The following TMEM178B variants were observed in gnomAD, a reference collection of about 807,000 sequenced individuals.
TMEM178B encodes the protein transmembrane protein 178B.
A neutral mutation model predicts 31.0 loss-of-function variants in TMEM178B; 5 were observed. The observed-to-expected ratio is 0.16, with a 90% CI of 0.08 to 0.34. TMEM178B has a LOEUF of 0.34. TMEM178B is among the 10% of genes least tolerant of loss of function. TMEM178B has a pLI of 1.00. For synonymous variants in TMEM178B, 164 were observed against 164.0 expected, an observed-to-expected ratio of 1.00 and a Z score of 0.00; for missense variants, 275 against 400.3, an observed-to-expected ratio of 0.69 and a Z score of 2.67.
intron 2 of TMEM178B, among the ~76,000 whole-genome samples, chr7:141,399,452 T>G (rs1265610741): frequency 1.3e-5 from 2 of 152,236 alleles, no homozygotes; most frequent in Non-Finnish European, 2.9e-5. Context: ...TCAGGTCTCC[T>G]GATTCCCAGT....
At chr7:141,123,533 C>T (rs1363283536) in intron 1 of TMEM178B, among the ~76,000 whole-genome samples, 1 of 152,208 alleles carries the variant, frequency 6.6e-6, no homozygotes, top group African/African-American at 2.4e-5. Flanking sequence ...CTGCCTCAGA[C>T]CCAGGGACAT....
At chr7:141,146,983 G>C (rs796321241) in intron 1 of TMEM178B, among the ~76,000 whole-genome samples, 2 of 152,282 alleles carry the variant, frequency 1.3e-5, no homozygotes, top group African/African-American at 4.8e-5. Context: ...ATAAGAGAAT[G>C]ACTATTACAT....
intron 3 of TMEM178B, among the ~76,000 whole-genome samples, chr7:141,454,607 C>T (rs1440344674): frequency 6.7e-6 from 1 of 149,300 alleles, no homozygotes; most frequent in African/African-American, 2.5e-5. Flanking sequence ...CCTCTCCTTC[C>T]TCTCCTTCCT....
rs1220224049 is a variant in TMEM178B at position 141,471,415 on chromosome 7, T to C, written c.*629T>C. The stretch of plus-strand genomic sequence containing the variant: ...AACATGCTGAGAGGCAAGATCTGCA[T>C]CAATGAAAGGACGCTTCGGTGGATG... On this transcript the variant is annotated 3_prime_UTR_variant, in exon 4 of 4. Transcript: ENST00000565468. This position sits in a 1 kb window ranked among gnomAD's most constrained non-coding sequence, Gnocchi z 4.1. 1 of 152,150 alleles carries C rather than the reference T, an allele frequency of 6.6e-6. No homozygotes were observed. Among genetic ancestry groups the C allele is most frequent in the Non-Finnish European group, 1.5e-5 (1 of 68,054 alleles). 9.4% of individuals were successfully genotyped at this position (152,150 alleles called of 1,614,324 possible). A position where few individuals can be genotyped will look rare whatever the true frequency, so the allele number is the denominator to read the frequency against.
intron 2 of TMEM178B, among the ~76,000 whole-genome samples, chr7:141,262,474 A>ATATATATATATATATAT (rs1798028077): frequency 7.6e-6 from 1 of 131,866 alleles, no homozygotes; most frequent in African/African-American, 3.0e-5. Flanking sequence ...AAATACATAT[A>ATATATATATATATATAT]ATATATATAT....
intron 1 of TMEM178B, among the ~76,000 whole-genome samples, chr7:141,090,859 C>A (rs1794869618): frequency 1.3e-5 from 2 of 152,208 alleles, no homozygotes; most frequent in Admixed American, 1.3e-4. Context: ...GAAGCAGATT[C>A]TCTTTGGAAA....
At chr7:141,120,283 G>GAAC (rs1795388568) in intron 1 of TMEM178B, among the ~76,000 whole-genome samples, 2 of 152,158 alleles carry the variant, frequency 1.3e-5, no homozygotes, top group African/African-American at 4.8e-5. Context: ...AGGTTGTTGT[G>GAAC]AGAAAATATA....
intron 2 of TMEM178B, among the ~76,000 whole-genome samples, chr7:141,277,606 T>C (rs217001): frequency 0.11 from 16,590 of 152,210 alleles, 961 homozygotes; most frequent in South Asian, 0.15. Flanking sequence ...AAGTATAGTA[T>C]AGTAAATACT....
chr7:141,207,008 G>T (rs1796977966), intron 1 of TMEM178B, among the ~76,000 whole-genome samples: 2 of 152,174 alleles, frequency 1.3e-5, no homozygotes, highest in African/African-American at 4.8e-5. Flanking sequence ...CTAGTTTAGA[G>T]AATTCATATA....
intron 1 of TMEM178B, among the ~76,000 whole-genome samples, chr7:141,094,907 T>C (rs1794933224): frequency 6.6e-6 from 1 of 152,232 alleles, no homozygotes. Context: ...CCTATAGTGA[T>C]GCAGAATCAA....
intron 2 of TMEM178B, among the ~76,000 whole-genome samples, chr7:141,224,685 G>A (rs1236680844): frequency 6.6e-6 from 1 of 152,168 alleles, no homozygotes; most frequent in Non-Finnish European, 1.5e-5. Context: ...TGAGTTCCCT[G>A]GGAAGTGGAC....
intron 2 of TMEM178B, among the ~76,000 whole-genome samples, chr7:141,363,645 C>T (rs1261772287): frequency 1.3e-5 from 2 of 152,172 alleles, no homozygotes; most frequent in Non-Finnish European, 2.9e-5. Flanking sequence ...TTCTGTCCTT[C>T]GTTTATCTTC....
intron 1 of TMEM178B, among the ~76,000 whole-genome samples, chr7:141,075,390 G>GA (rs906092854): frequency 6.6e-6 from 1 of 151,586 alleles, no homozygotes; most frequent in African/African-American, 2.4e-5. Flanking sequence ...GCATGTCAGA[G>GA]AAAAAAAATA....
intron 3 of TMEM178B, among the ~76,000 whole-genome samples, chr7:141,444,800 C>T (rs1260766941): frequency 6.6e-6 from 1 of 151,976 alleles, no homozygotes; most frequent in Non-Finnish European, 1.5e-5. Context: ...TTTTGGCACC[C>T]CGTGTTGAAG....
intron 1 of TMEM178B, among the ~76,000 whole-genome samples, chr7:141,163,536 G>T (rs1178161005): frequency 6.8e-6 from 1 of 147,490 alleles, no homozygotes; most frequent in Non-Finnish European, 1.5e-5. Context: ...TTTTTGAGAC[G>T]GTGTCTTGTT....
Position 141,074,727 on chromosome 7 carries a change from A to G in TMEM178B, c.382+35A>G. ...GGGCGCAAGGCGTGGCGCTGCGGAG[A>G]GCCCGGCGCCTTTAGGCCCCGCAGC... On this transcript the variant is annotated intron_variant, in intron 1 of 3. Transcript: ENST00000565468. The surrounding 1 kb of genome is among the most constrained non-coding windows in gnomAD (Gnocchi z 5.1). 2.1e-6 allele frequency: 3 copies of G among 1,445,030 alleles called. No homozygotes were observed. The highest frequency in any genetic ancestry group is 2.7e-6 in the Non-Finnish European group (3 of 1,104,820). The allele number at this position is 1,445,030 out of a possible 1,614,324, so 89.5% of individuals were successfully genotyped here. A position where few individuals can be genotyped will look rare whatever the true frequency, so the allele number is the denominator to read the frequency against.
chr7:141,177,533 T>A (rs1306757831), intron 1 of TMEM178B, among the ~76,000 whole-genome samples: 2 of 152,200 alleles, frequency 1.3e-5, no homozygotes, highest in African/African-American at 2.4e-5. Flanking sequence ...TGTCTAATAT[T>A]GACAGTGGGG....
Position 141,288,483 on chromosome 7 carries a change from GA to G in TMEM178B, c.496+75791del, listed in dbSNP as rs534250227. On this transcript the variant is annotated intron_variant, in intron 2 of 3. Transcript: ENST00000565468. ...AGAGCATCCCTGTCCGGAAAAAAAT[GA>G]AAAAAAAAAAAGATTTAAAATAAGA... is the stretch of plus-strand genomic sequence containing the variant. 3.1e-3 allele frequency among the ~76,000 whole-genome samples: 370 copies of G among 117,504 alleles called. 1 individual carries two copies. Among genetic ancestry groups the G allele is most frequent in the African/African-American group, 7.1e-3 (233 of 32,798 alleles). The allele number at this position is 117,504 out of a possible 152,430, so 77.1% of individuals were successfully genotyped here. A position where few individuals can be genotyped will look rare whatever the true frequency, so the allele number is the denominator to read the frequency against.
chr7:141,382,817 C>T (rs563156201), intron 2 of TMEM178B, among the ~76,000 whole-genome samples: 2 of 152,326 alleles, frequency 1.3e-5, no homozygotes, highest in East Asian at 3.9e-4. Flanking sequence ...CCTCACAATG[C>T]ACACAACTCA....
Sources: allele counts gnomAD v4.1 joint callset (sites outside exome capture counted in the v4.1 genomes callset), GRCh38; gene constraint gnomAD v4.1.1; non-coding constraint Gnocchi (gnomAD v3.1); transcripts MANE v1.5; gene names NCBI Gene and HGNC (gene_info 2026-07-23, HGNC 2026-07-21).